CHEK2: variants seen among roughly 807,000 people sequenced by gnomAD.
CHEK2 encodes checkpoint kinase 2.
In CHEK2, 71 loss-of-function variants were observed where a neutral mutation model predicts 69.1. The ratio of observed to expected loss-of-function variants is 1.03; its 90% CI spans 0.85 to 1.25. CHEK2 has a LOEUF of 1.25. Among genes scored for constraint, CHEK2 ranks in the 50% most tolerant of loss-of-function variants. The pLI, the probability that CHEK2 is intolerant of heterozygous loss-of-function variation, is 0.00. For synonymous variants in CHEK2, 189 were observed against 226.9 expected (o/e 0.83, Z 1.50); for missense variants, 664 against 649.6 (o/e 1.02, Z -0.24).
intron 8 of CHEK2, among the ~76,000 whole-genome samples, chr22:28,702,449 A>G (rs1159562388): frequency 2.7e-5 from 4 of 150,846 alleles, no homozygotes; most frequent in Admixed American, 6.6e-5. Flanking sequence ...CGTGTTAGCC[A>G]GGATGGCCTC....
chr22:28,712,312 G>A (rs2053433723), intron 5 of CHEK2: 1 of 409,882 alleles, frequency 2.4e-6, no homozygotes, highest in Admixed American at 4.1e-5. Flanking sequence ...AAAAATGAGA[G>A]AGAAACTACG....
chr22:28,697,199 T>G (rs540691865), intron 9 of CHEK2, among the ~76,000 whole-genome samples: 28 of 152,252 alleles, frequency 1.8e-4, no homozygotes, highest in African/African-American at 6.5e-4. Context: ...AAAAGCAACT[T>G]AGAACAATTA....
intron 4 of CHEK2, among the ~76,000 whole-genome samples, chr22:28,724,245 A>G (rs371977175): frequency 8.9e-4 from 136 of 152,180 alleles, no homozygotes; most frequent in African/African-American, 3.1e-3. Flanking sequence ...GTCTCTACTA[A>G]AAGTACAAAA....
intron 12 of CHEK2, 63 bp downstream of exon 12, chr22:28,695,064 C>T: frequency 9.9e-7 from 1 of 1,011,468 alleles, no homozygotes; most frequent in East Asian, 2.4e-5. Flanking sequence ...TGGGAAGAAA[C>T]TCCCACCACA....
intron 10 of CHEK2, among the ~76,000 whole-genome samples, chr22:28,696,556 GC>G (rs1164944629): frequency 2.0e-5 from 3 of 151,818 alleles, no homozygotes. Flanking sequence ...TGTATTTTTT[GC>G]CATGTTGGCC....
chr22:28,710,582 C>T (rs1254469635), intron 6 of CHEK2, among the ~76,000 whole-genome samples: 1 of 152,196 alleles, frequency 6.6e-6, no homozygotes, highest in East Asian at 1.9e-4. Context: ...CCAACTTCAA[C>T]AGCAGCCTCG....
chr22:28,706,206 C>G (rs1037363895), intron 7 of CHEK2, among the ~76,000 whole-genome samples: 1 of 151,954 alleles, frequency 6.6e-6, no homozygotes, highest in Non-Finnish European at 1.5e-5. Flanking sequence ...GAGGCTGAGG[C>G]AGGAGAACCA....
At chr22:28,720,526 A>G (rs761174753) in intron 4 of CHEK2, among the ~76,000 whole-genome samples, 1 of 152,236 alleles carries the variant, frequency 6.6e-6, no homozygotes, top group Non-Finnish European at 1.5e-5. Context: ...AAAGTCATCA[A>G]TGATAAATTT....
intron 7 of CHEK2, among the ~76,000 whole-genome samples, chr22:28,704,997 G>C (rs5762753): frequency 0.6 from 90,848 of 150,962 alleles, 28,239 homozygotes; most frequent in South Asian, 0.78. Context: ...AGCCAAGTCA[G>C]AAAAGACTTC....
At chr22:28,706,001 A>ACTAAACTAAC (rs2053124487) in intron 7 of CHEK2, among the ~76,000 whole-genome samples, 1 of 151,852 alleles carries the variant, frequency 6.6e-6, no homozygotes, top group Non-Finnish European at 1.5e-5. Context: ...ACTAAACTAA[A>ACTAAACTAAC]GCAAGGGACA....
At chr22:28,727,250 A>C (rs6005850) in intron 2 of CHEK2, among the ~76,000 whole-genome samples, 119,787 of 152,016 alleles carry the variant, frequency 0.79, 47,497 homozygotes, top group Non-Finnish European at 0.84. Context: ...GCCATGTTAG[A>C]CAGGATGGTC....
Position 28,726,847 on chromosome 22 carries a change from C to A in CHEK2, c.320-1480G>T, listed in dbSNP as rs146162133. On this transcript the variant is annotated intron_variant, in intron 2 of 14. Coordinates refer to ENST00000404276, the MANE Select transcript of CHEK2 (RefSeq NM_007194.4). ...GCCACCATTCCAGCCCCACCTCATA[C>A]CCCTCTCCCCTTGCTCATGACACCC... is the stretch of plus-strand genomic sequence containing the variant. Among the ~76,000 whole-genome samples, 1,036 of 147,284 alleles carry A rather than the reference C, an allele frequency of 7.0e-3. 13 individuals carry two copies. The highest frequency in any genetic ancestry group is 0.025 in the African/African-American group (999 of 39,506).
At chr22:28,738,434 T>C (rs1248338276) in intron 1 of CHEK2, among the ~76,000 whole-genome samples, 1 of 152,098 alleles carries the variant, frequency 6.6e-6, no homozygotes, top group Non-Finnish European at 1.5e-5. Flanking sequence ...GACACTTGAG[T>C]GAAACTGTGC....
intron 7 of CHEK2, among the ~76,000 whole-genome samples, chr22:28,704,101 G>A (rs2053007822): frequency 7.3e-6 from 1 of 136,058 alleles, no homozygotes; most frequent in Admixed American, 8.1e-5. Flanking sequence ...TTGGGTCGGG[G>A]GCAGAGAGAG....
intron 1 of CHEK2, among the ~76,000 whole-genome samples, chr22:28,735,697 C>G (rs1197584355): frequency 6.6e-6 from 1 of 151,606 alleles, no homozygotes; most frequent in Non-Finnish European, 1.5e-5. Flanking sequence ...GCCTGGCCAA[C>G]ACAGTCAAAC....
chr22:28,725,690 A>G (rs1206234767), intron 2 of CHEK2, among the ~76,000 whole-genome samples: 1 of 152,014 alleles, frequency 6.6e-6, no homozygotes, highest in African/African-American at 2.4e-5. Flanking sequence ...GGGGGCACCC[A>G]TCTCTACCAA....
intron 1 of CHEK2, among the ~76,000 whole-genome samples, chr22:28,736,573 C>A (rs1471183036): frequency 6.6e-6 from 1 of 152,208 alleles, no homozygotes; most frequent in Non-Finnish European, 1.5e-5. Flanking sequence ...TTGCAGGAAC[C>A]ATTCTTTTAT....
At chr22:28,691,859 C>T (rs2087785442) in intron 13 of CHEK2, among the ~76,000 whole-genome samples, 1 of 152,200 alleles carries the variant, frequency 6.6e-6, no homozygotes, top group Non-Finnish European at 1.5e-5. Context: ...TCCACATTCC[C>T]AACACTCAGT....
chr22:28,702,436 C>CA (rs2052913061), intron 8 of CHEK2, among the ~76,000 whole-genome samples: 1 of 151,196 alleles, frequency 6.6e-6, no homozygotes, highest in African/African-American at 2.4e-5. Context: ...GACAGGGTTT[C>CA]ACCGTGTTAG....
Sources: allele counts gnomAD v4.1 joint callset (sites outside exome capture counted in the v4.1 genomes callset), GRCh38; gene constraint gnomAD v4.1.1; transcripts MANE v1.5; gene names NCBI Gene and HGNC (gene_info 2026-07-23, HGNC 2026-07-21).